CDCA4: variants seen among roughly 807,000 people sequenced by gnomAD.
CDCA4 encodes the protein cell division cycle associated 4.
For missense variants in CDCA4, 294 were observed against 322.1 expected (o/e 0.91, Z 0.67); for synonymous variants, 130 against 137.0 (o/e 0.95, Z 0.36).
chr14:105,014,815 C>T (rs1342679166), intron 1 of CDCA4, among the ~76,000 whole-genome samples: 1 of 152,190 alleles, frequency 6.6e-6, no homozygotes, highest in Admixed American at 6.5e-5. Context: ...TTTTTAGTTT[C>T]TCTTTCAACC....
intron 1 of CDCA4, among the ~76,000 whole-genome samples, chr14:105,020,724 C>T (rs1886209951): frequency 6.6e-6 from 1 of 151,888 alleles, no homozygotes; most frequent in African/African-American, 2.4e-5. Flanking sequence ...TCGGCAAAGC[C>T]CCAGCTCCGC....
chr14:105,020,880 C>A (rs1886214298), intron 1 of CDCA4, 119 bp downstream of exon 1: 1 of 151,960 alleles, frequency 6.6e-6, no homozygotes, highest in Non-Finnish European at 1.5e-5. Flanking sequence ...GCCGCCTCCG[C>A]CCCGGACCCA....
intron 1 of CDCA4, among the ~76,000 whole-genome samples, chr14:105,017,475 C>T (rs1285519085): frequency 6.6e-6 from 1 of 152,054 alleles, no homozygotes; most frequent in African/African-American, 2.4e-5. Flanking sequence ...TTGCCCACCT[C>T]GGCCTCCCAA....
rs1222102142 is a variant in CDCA4 at position 105,011,584 on chromosome 14, C to T, written c.346G>A (p.Gly116Ser). The T allele has an allele frequency of 1.2e-6, 2 of 1,613,902 alleles. No homozygotes were observed. Among genetic ancestry groups the T allele is most frequent in the Admixed American group, 1.7e-5 (1 of 59,994 alleles). ...CCCTGTGTGTGGCCGTCCCCCAAGC[C>T]AGGAGCAGGATGTGCCCCCTCTTGC... Reference protein sequence around the residue: ...WGQEGAHPAPGLGDGHTQGPV... With the variant: ...WGQEGAHPAPSLGDGHTQGPV... The change falls in exon 2 of 2, where the codon GGC becomes AGC. Residue 116 changes from glycine to serine, a missense_variant. Transcript: ENST00000336219.
At chr14:105,017,783 A>G (rs1308679492) in intron 1 of CDCA4, among the ~76,000 whole-genome samples, 3 of 151,914 alleles carry the variant, frequency 2.0e-5, no homozygotes, top group Non-Finnish European at 2.9e-5. Context: ...GTGAGCAGAG[A>G]TTGCACCACT....
intron 1 of CDCA4, among the ~76,000 whole-genome samples, chr14:105,014,027 G>A (rs1439988567): frequency 6.6e-6 from 1 of 152,206 alleles, no homozygotes; most frequent in African/African-American, 2.4e-5. Flanking sequence ...ACACAGGACG[G>A]ATCCTTCCAC....
intron 1 of CDCA4, among the ~76,000 whole-genome samples, chr14:105,018,237 C>T (rs1022570157): frequency 6.6e-6 from 1 of 151,470 alleles, no homozygotes; most frequent in Non-Finnish European, 1.5e-5. Flanking sequence ...TAATCCCCAT[C>T]ATCCTCCACT....
chr14:105,018,449 A>AC (rs1764509238), intron 1 of CDCA4, among the ~76,000 whole-genome samples: 1 of 152,134 alleles, frequency 6.6e-6, no homozygotes, highest in Non-Finnish European at 1.5e-5. Flanking sequence ...CAGTCACGTG[A>AC]CCCCAAAGAG....
In CDCA4 at chr14:105,010,819, A is replaced by G. The variant is rs1418334734; in HGVS notation, c.*385T>C. ...ATAAGGTATAAAAAGTTTAAAAAATATATCTTAAGACAAAATACTGCCCAA... is the reference window on the plus strand; with the variant it reads ...ATAAGGTATAAAAAGTTTAAAAAATGTATCTTAAGACAAAATACTGCCCAA... On this transcript the variant is annotated 3_prime_UTR_variant, in exon 2 of 2. Transcript: ENST00000336219. 3 of 196,496 alleles carry G rather than the reference A, an allele frequency of 1.5e-5. No individual in the cohort carries two copies. Among genetic ancestry groups the G allele is most frequent in the Non-Finnish European group, 3.1e-5 (3 of 98,008 alleles). 12.2% of individuals were successfully genotyped at this position (196,496 alleles called of 1,614,324 possible). A position where few individuals can be genotyped will look rare whatever the true frequency, so the allele number is the denominator to read the frequency against.
At chr14:105,020,254 A>C (rs1361081888) in intron 1 of CDCA4, among the ~76,000 whole-genome samples, 1 of 152,250 alleles carries the variant, frequency 6.6e-6, no homozygotes, top group South Asian at 2.1e-4. Flanking sequence ...TTTTGTGAAC[A>C]GGCAATGTTT....
At chr14:105,020,693 G>A (rs1487160882) in intron 1 of CDCA4, among the ~76,000 whole-genome samples, 1 of 152,108 alleles carries the variant, frequency 6.6e-6, no homozygotes, top group Non-Finnish European at 1.5e-5. Flanking sequence ...AGCGGCTCCC[G>A]CGTGGGGCCG....
intron 1 of CDCA4, among the ~76,000 whole-genome samples, chr14:105,019,421 C>T (rs1886167987): frequency 6.6e-6 from 1 of 152,234 alleles, no homozygotes; most frequent in South Asian, 2.1e-4. Context: ...ACGCAGATTC[C>T]CAGATTCTGA....
intron 1 of CDCA4, among the ~76,000 whole-genome samples, chr14:105,018,209 T>C (rs61997767): frequency 1 from 150,179 of 150,184 alleles, 75,087 homozygotes; most frequent in Middle Eastern, 1. Flanking sequence ...TTACACAAGT[T>C]CTACAAGGGA....
chr14:105,019,988 G>C (rs1020847892), intron 1 of CDCA4, among the ~76,000 whole-genome samples: 41 of 152,220 alleles, frequency 2.7e-4, no homozygotes. Flanking sequence ...AGTGCTGGGA[G>C]GTGTGAGCTA....
rs10131315 is a variant in CDCA4, at chr14:105,011,012, G to C, written c.*192C>G. The C allele has an allele frequency of 0.79, 522,601 of 658,788 alleles. 208,972 individuals carry two copies. The highest frequency in any genetic ancestry group is 0.86 in the Middle Eastern group (2,044 of 2,368). The allele number at this position is 658,788 out of a possible 1,614,324, so 40.8% of individuals were successfully genotyped here. A position where few individuals can be genotyped will look rare whatever the true frequency, so the allele number is the denominator to read the frequency against. Reference sequence around the variant, plus strand: ...CCTTCCAGAACAGCCTCTGCCTGGCGCTCCACAGGGGGGAGGTGAGTGGGA... The same window carrying C: ...CCTTCCAGAACAGCCTCTGCCTGGCCCTCCACAGGGGGGAGGTGAGTGGGA... On this transcript the variant is annotated 3_prime_UTR_variant, in exon 2 of 2. Coordinates refer to ENST00000336219, the MANE Select transcript of CDCA4 (RefSeq NM_017955.4).
At position 105,011,068 on chromosome 14, in the gene CDCA4, G is replaced by T; in HGVS notation, c.*136C>A. 1 of 1,074,454 alleles carries T rather than the reference G, an allele frequency of 9.3e-7. No homozygotes were observed. The highest frequency in any genetic ancestry group is 1.3e-6 in the Non-Finnish European group (1 of 767,714). 66.6% of individuals were successfully genotyped at this position (1,074,454 alleles called of 1,614,324 possible). On this transcript the variant is annotated 3_prime_UTR_variant, in exon 2 of 2. Coordinates refer to ENST00000336219, the MANE Select transcript of CDCA4 (RefSeq NM_017955.4). ...CTAGGGCTGCAGCCCCACTGGTAAT[G>T]GGCTGTTCTGGGATTTCTCAGAATC...
intron 1 of CDCA4, among the ~76,000 whole-genome samples, chr14:105,020,067 C>T (rs1185195294): frequency 6.6e-6 from 1 of 152,332 alleles, no homozygotes; most frequent in African/African-American, 2.4e-5. Flanking sequence ...TCCCTGAAAA[C>T]ATGTTCCAGT....
At chr14:105,014,908 G>A (rs1458313163) in intron 1 of CDCA4, among the ~76,000 whole-genome samples, 1 of 152,176 alleles carries the variant, frequency 6.6e-6, no homozygotes, top group East Asian at 1.9e-4. Flanking sequence ...TTAAGCCCAA[G>A]TTTATAGACA....
At chr14:105,012,668 C>A (rs1900538492) in intron 1 of CDCA4, among the ~76,000 whole-genome samples, 1 of 152,226 alleles carries the variant, frequency 6.6e-6, no homozygotes, top group Non-Finnish European at 1.5e-5. Flanking sequence ...CTATGTGGCC[C>A]TGGACAGTCC....
Sources: gnomAD v4.1 joint callset for allele counts (sites outside exome capture counted in the v4.1 genomes callset) on GRCh38, gnomAD v4.1.1 for gene constraint, MANE v1.5 for transcripts, NCBI Gene and HGNC (gene_info 2026-07-23, HGNC 2026-07-21) for gene names.